The following IL13RA1 variants were observed in gnomAD, a reference collection of about 807,000 sequenced individuals.
IL13RA1 encodes the protein interleukin-13 receptor subunit alpha-1.
Under a neutral mutation model 33.8 loss-of-function variants are expected in IL13RA1, and 14 were observed. The observed-to-expected ratio is 0.41, with a 90% CI of 0.27 to 0.65. IL13RA1 has a LOEUF of 0.65. Among genes scored for constraint, IL13RA1 ranks in the 30% least tolerant of loss-of-function variants. The probability of loss-of-function intolerance (pLI) is 0.28; values close to 1 mark genes in which losing one functional copy is unlikely to be tolerated. For synonymous variants in IL13RA1, 116 were observed against 115.7 expected (o/e 1.00, Z -0.02); for missense variants, 313 against 327.0 (o/e 0.96, Z 0.33).
intron 10 of IL13RA1, among the ~76,000 whole-genome samples, chrX:118,789,926 C>G (rs1163063728): frequency 1.8e-5 from 2 of 110,895 alleles, no homozygotes; most frequent in Non-Finnish European, 1.9e-5. Context: ...GCCATTTTTT[C>G]AAGGTTATAT....
chrX:118,789,024 C>T (rs757715129), intron 10 of IL13RA1, among the ~76,000 whole-genome samples: 5 of 112,104 alleles, frequency 4.5e-5, no homozygotes, highest in African/African-American at 1.6e-4. Context: ...GCAAATATTC[C>T]AAAAGCTGAA....
At position 118,793,495 on chromosome X, in the gene IL13RA1, A is replaced by G. The variant is rs770003256; in HGVS notation, c.*1641A>G. The G allele has an allele frequency of 3.6e-5, 4 of 111,238 alleles. No individual in the cohort carries two copies. Among genetic ancestry groups the G allele is most frequent in the Non-Finnish European group, 7.5e-5 (4 of 53,053 alleles). 9.2% of individuals were successfully genotyped at this position (111,238 alleles called of 1,213,427 possible). ...CTCTGTTTATGCTTTTGGGGGGCAT[A>G]TATTGGGTTCCATTCTCACCTATCC... On this transcript the variant is annotated 3_prime_UTR_variant, in exon 11 of 11. Transcript: ENST00000371666.
At chrX:118,765,641 CAT>C (rs1268576518) in intron 6 of IL13RA1, among the ~76,000 whole-genome samples, 5 of 112,096 alleles carry the variant, frequency 4.5e-5, no homozygotes, top group African/African-American at 6.5e-5. Context: ...TCTTGGTACA[CAT>C]GTGCGTACAT....
chrX:118,731,639 G>A (rs1161497029), intron 1 of IL13RA1, among the ~76,000 whole-genome samples: 1 of 110,921 alleles, frequency 9.0e-6, no homozygotes, highest in East Asian at 2.8e-4. Context: ...AAAGCAGATA[G>A]CTAACACATA....
chrX:118,757,707 T>G (rs1224185371), intron 4 of IL13RA1, among the ~76,000 whole-genome samples: 3 of 82,310 alleles, frequency 3.6e-5, no homozygotes, highest in African/African-American at 1.9e-4. Flanking sequence ...TTTTTTTTTT[T>G]TGTGGAAGGG....
At chrX:118,784,362 T>G (rs2017893621) in intron 10 of IL13RA1, among the ~76,000 whole-genome samples, 1 of 108,766 alleles carries the variant, frequency 9.2e-6, no homozygotes, top group Non-Finnish European at 1.9e-5. Flanking sequence ...TAATAATAGT[T>G]CATACTTATG....
chrX:118,799,326 G>A (rs2018051444), downstream of IL13RA1, among the ~76,000 whole-genome samples: 1 of 113,219 alleles, frequency 8.8e-6, no homozygotes, highest in Admixed American at 9.2e-5. Flanking sequence ...GACCACCCAA[G>A]GGCTGAGGAA....
chrX:118,766,704 C>T (rs756602628), intron 7 of IL13RA1, 127 bp downstream of exon 7: 3 of 593,495 alleles, frequency 5.1e-6, no homozygotes, highest in East Asian at 6.8e-5. Context: ...ACAATTTTTT[C>T]GAAAAGTCAA....
At position 118,793,379 on chromosome X, in the gene IL13RA1, T is replaced by C. The variant is rs750888152; in HGVS notation, c.*1525T>C. On this transcript the variant is annotated 3_prime_UTR_variant, in exon 11 of 11. Transcript: ENST00000371666. ...ATAGTTGAACCTATTTCTCTTTCTTTACAAGATGGGTCCAGGATTCCTCTT... is the reference window on the plus strand; with the variant it reads ...ATAGTTGAACCTATTTCTCTTTCTTCACAAGATGGGTCCAGGATTCCTCTT... 1.8e-5 allele frequency: 2 copies of C among 112,500 alleles called. No individual in the cohort carries two copies. The highest frequency in any genetic ancestry group is 5.6e-4 in the East Asian group (2 of 3,593). 9.3% of individuals were successfully genotyped at this position (112,500 alleles called of 1,213,427 possible). A position where few individuals can be genotyped will look rare whatever the true frequency, so the allele number is the denominator to read the frequency against.
chrX:118,778,133 G>C (rs1161103497), intron 10 of IL13RA1, among the ~76,000 whole-genome samples: 1 of 111,689 alleles, frequency 9.0e-6, no homozygotes, highest in Non-Finnish European at 1.9e-5. Flanking sequence ...TAGCCTACCT[G>C]GTACCTTGTA....
intron 1 of IL13RA1, among the ~76,000 whole-genome samples, chrX:118,738,781 C>CTTTTTTTTTTTTT (rs144796443): frequency 1.7e-5 from 1 of 60,242 alleles, no homozygotes; most frequent in Non-Finnish European, 2.9e-5. Flanking sequence ...ATTTTAAGTC[C>CTTTTTTTTTTTTT]TTTTTTTTTT....
intron 6 of IL13RA1, among the ~76,000 whole-genome samples, chrX:118,763,105 T>C (rs1162022776): frequency 1.8e-5 from 2 of 111,567 alleles, no homozygotes; most frequent in Non-Finnish European, 3.8e-5. Context: ...TGGGTTGATC[T>C]GTGCAGCAAA....
chrX:118,802,319 G>C, the IL13RA1 span, among the ~76,000 whole-genome samples: 1 of 112,557 alleles, frequency 8.9e-6, no homozygotes, highest in Non-Finnish European at 1.9e-5. Flanking sequence ...GAAAAAGAAT[G>C]TCTGCAAGTC....
downstream of IL13RA1, among the ~76,000 whole-genome samples, chrX:118,798,322 T>G (rs1006728862): frequency 8.9e-5 from 10 of 111,958 alleles, no homozygotes; most frequent in East Asian, 2.5e-3. Flanking sequence ...TGTCTCCCCT[T>G]TATTTTTTTA....
At chrX:118,727,846 GGC>G in intron 1 of IL13RA1, 120 bp downstream of exon 1, 1 of 281,126 alleles carries the variant, frequency 3.6e-6, no homozygotes. Flanking sequence ...GGGTGCTGGG[GGC>G]TGCCCTCGCG....
At chrX:118,772,596 TA>T (rs202072545) in intron 8 of IL13RA1, among the ~76,000 whole-genome samples, 3 of 110,837 alleles carry the variant, frequency 2.7e-5, no homozygotes, top group Admixed American at 9.6e-5. Context: ...AAAAGAACTT[TA>T]AAAAAAAACC....
chrX:118,731,779 G>A (rs1213750578), intron 1 of IL13RA1, among the ~76,000 whole-genome samples: 2 of 111,941 alleles, frequency 1.8e-5, no homozygotes, highest in African/African-American at 3.2e-5. Flanking sequence ...GAGAAATAGA[G>A]AGGTTAAGTA....
intron 3 of IL13RA1, 85 bp from the exon 4 acceptor site, chrX:118,749,573 C>G (rs1184188951): frequency 1.1e-6 from 1 of 929,967 alleles, no homozygotes; most frequent in East Asian, 3.1e-5. Flanking sequence ...ATGAAGCACT[C>G]TCATCATCCC....
chrX:118,754,945 T>C (rs1229582981), intron 4 of IL13RA1, among the ~76,000 whole-genome samples: 2 of 105,735 alleles, frequency 1.9e-5, no homozygotes, highest in Non-Finnish European at 3.9e-5. Context: ...TTCTTTTTTT[T>C]TTTTTTCTTT....
Sources: gnomAD v4.1 joint callset for allele counts (sites outside exome capture counted in the v4.1 genomes callset) on GRCh38, gnomAD v4.1.1 for gene constraint, MANE v1.5 for transcripts, NCBI Gene and HGNC (gene_info 2026-07-23, HGNC 2026-07-21) for gene names.